Variants in CLUAP1 observed in about 807,000 individuals in gnomAD.
CLUAP1 encodes the protein clusterin-associated protein 1.
A neutral mutation model predicts 55.0 loss-of-function variants in CLUAP1; 50 were observed. The ratio of observed to expected loss-of-function variants is 0.91; its 90% CI spans 0.72 to 1.15. CLUAP1 has a LOEUF of 1.15. Ranked by LOEUF, CLUAP1 falls within the 50% of genes most tolerant of loss-of-function variation. The probability of loss-of-function intolerance (pLI) is 0.00; values close to 1 mark genes in which losing one functional copy is unlikely to be tolerated. For missense variants in CLUAP1, 530 were observed against 507.6 expected (o/e 1.04, Z -0.42); for synonymous variants, 195 against 175.4 (o/e 1.11, Z -0.88).
At chr16:3,524,812 C>T (rs1033580663) in intron 8 of CLUAP1, among the ~76,000 whole-genome samples, 2 of 151,912 alleles carry the variant, frequency 1.3e-5, no homozygotes, top group East Asian at 1.9e-4. Context: ...GTTTTAGACC[C>T]GAGCATGAGT....
rs148762465 is a variant in CLUAP1, at chr16:3,530,573, G to A, written c.934G>A (p.Asp312Asn). ...CCTGCTTGTGTTCCTGCTAGGTAACGATGACTCGGACATAGACATCCAGGA... is the reference window on the plus strand; with the variant it reads ...CCTGCTTGTGTTCCTGCTAGGTAACAATGACTCGGACATAGACATCCAGGA... ...EKRLLKSGSNDDSDIDIQEDD... is the reference protein window; with the variant it reads ...EKRLLKSGSNNDSDIDIQEDD... The change falls in exon 10 of 12, where the codon GAT (aspartate) becomes AAT (asparagine). Residue 312 changes from aspartate (D) to asparagine (N), a missense_variant. Asp to Asn is a conservative substitution (Grantham distance 23, BLOSUM62 1). Transcript: ENST00000576634. 10 of 1,613,332 alleles carry A rather than the reference G, an allele frequency of 6.2e-6. No individual in the cohort carries two copies. The highest frequency in any genetic ancestry group is 1.3e-5 in the African/African-American group (1 of 74,904).
At position 3,537,859 on chromosome 16, in the gene CLUAP1, C is replaced by G. The variant is rs2038263215; in HGVS notation, c.*1588C>G. 1 of 150,126 alleles carries G rather than the reference C, an allele frequency of 6.7e-6. No individual in the cohort carries two copies. The highest frequency in any genetic ancestry group is 6.7e-5 in the Admixed American group (1 of 15,008). 9.3% of individuals were successfully genotyped at this position (150,126 alleles called of 1,614,324 possible). Reference sequence around the variant, plus strand: ...ACTAAAAATACAAAAATTAGCCGGGCGTGGTAGCGCATGCCTGTAACCCCA... The same window carrying G: ...ACTAAAAATACAAAAATTAGCCGGGGGTGGTAGCGCATGCCTGTAACCCCA... On this transcript the variant is annotated 3_prime_UTR_variant, in exon 12 of 12. Coordinates refer to ENST00000576634, the MANE Select transcript of CLUAP1 (RefSeq NM_015041.3).
chr16:3,519,846 G>A, intron 6 of CLUAP1, 57 bp from the exon 7 acceptor site: 1 of 1,529,560 alleles, frequency 6.5e-7, no homozygotes, highest in Non-Finnish European at 8.8e-7. Flanking sequence ...ATTCTTCTAA[G>A]AATTAGGATG....
intron 4 of CLUAP1, among the ~76,000 whole-genome samples, chr16:3,509,207 G>A (rs2037570105): frequency 6.6e-6 from 1 of 152,206 alleles, no homozygotes; most frequent in Admixed American, 6.5e-5. Context: ...CATGTTCATG[G>A]CACTGCGCTC....
rs2037829351 is a variant in CLUAP1 at position 3,521,404 on chromosome 16, A to G, written c.713+1368A>G. ...ATAAGAAAAAAGAAAAAGTTCAGCA[A>G]ACCAGTATAGATTTTTATGGTTTTT... On this transcript the variant is annotated intron_variant, in intron 7 of 11. Coordinates refer to ENST00000576634, the MANE Select transcript of CLUAP1 (RefSeq NM_015041.3). Among the ~76,000 whole-genome samples the G allele has an allele frequency of 4.0e-5, 6 of 151,866 alleles. No homozygotes were observed. The South Asian group carries it at 1.2e-3, about 31-fold the overall frequency.
At position 3,512,370 on chromosome 16, in the gene CLUAP1, A is replaced by G. The variant is rs372260885; in HGVS notation, c.400-13A>G. The G allele has an allele frequency of 2.5e-6, 4 of 1,607,680 alleles. No individual in the cohort carries two copies. In the African/African-American group the frequency reaches 5.4e-5, roughly 22 times the overall value. On this transcript the variant is annotated splice_polypyrimidine_tract_variant and intron_variant, in intron 4 of 11. Transcript: ENST00000576634. Reference sequence around the variant, plus strand: ...TGTTGCTGAGGTTTCTGTTTTTGTTATTTTCCTTCCAGATTGCAGATTTGA... The same window carrying G: ...TGTTGCTGAGGTTTCTGTTTTTGTTGTTTTCCTTCCAGATTGCAGATTTGA...
rs1031894354 is a variant in CLUAP1 at position 3,522,443 on chromosome 16, C to T, written c.714-715C>T. On this transcript the variant is annotated intron_variant, in intron 7 of 11. Transcript: ENST00000576634. ...TCTCCCAAAGTGCTGGGATTACAGGCGTGCGCCACCGCACCCGGCCAACAG... is the reference window on the plus strand; with the variant it reads ...TCTCCCAAAGTGCTGGGATTACAGGTGTGCGCCACCGCACCCGGCCAACAG... 3.9e-5 allele frequency among the ~76,000 whole-genome samples: 6 copies of T among 152,122 alleles called. 1 individual carries two copies. Among genetic ancestry groups the T allele is most frequent in the Admixed American group, 1.3e-4 (2 of 15,274 alleles).
At chr16:3,501,196 GC>G in intron 1 of CLUAP1, 107 bp downstream of exon 1, 1 of 1,218,358 alleles carries the variant, frequency 8.2e-7, no homozygotes, top group South Asian at 1.3e-5. Flanking sequence ...GCTGCCGGAG[GC>G]TCCTTTCGGG....
chr16:3,522,074 A>C (rs1018717801), intron 7 of CLUAP1, among the ~76,000 whole-genome samples: 5 of 152,054 alleles, frequency 3.3e-5, no homozygotes, highest in African/African-American at 7.2e-5. Context: ...ACAAAAAAAA[A>C]CCACCAGCCT....
chr16:3,530,109 A>C (rs2038085228), intron 9 of CLUAP1, among the ~76,000 whole-genome samples: 1 of 151,126 alleles, frequency 6.6e-6, no homozygotes, highest in African/African-American at 2.4e-5. Context: ...AGAGAGGGCG[A>C]GAGAGAGCAA....
At chr16:3,521,197 G>A (rs928536315) in intron 7 of CLUAP1, among the ~76,000 whole-genome samples, 11 of 151,000 alleles carry the variant, frequency 7.3e-5, no homozygotes, top group Middle Eastern at 6.4e-3. Flanking sequence ...AGTCATTGCC[G>A]CCATATAGAT....
chr16:3,506,651 C>T (rs1467178957), intron 3 of CLUAP1, among the ~76,000 whole-genome samples: 5 of 151,998 alleles, frequency 3.3e-5, no homozygotes, highest in African/African-American at 9.7e-5. Context: ...TAGAGGCACA[C>T]GCCACCACAC....
chr16:3,518,403 C>T (rs1361413006), intron 6 of CLUAP1, among the ~76,000 whole-genome samples: 1 of 152,156 alleles, frequency 6.6e-6, no homozygotes, highest in Non-Finnish European at 1.5e-5. Context: ...GATGTTTGAT[C>T]ATTCTAAAAA....
chr16:3,505,906 G>A lies in CLUAP1; in HGVS notation c.135-425G>A, dbSNP rs966843665. 5.3e-5 allele frequency among the ~76,000 whole-genome samples: 8 copies of A among 152,268 alleles called. No individual in the cohort carries two copies. The East Asian group carries it at 1.2e-3, about 22-fold the overall frequency. On this transcript the variant is annotated intron_variant, in intron 2 of 11. Coordinates refer to ENST00000576634, the MANE Select transcript of CLUAP1 (RefSeq NM_015041.3). ...AAAATGTAAAAACAGTTCTTAGCTT[G>A]CAGGCTGTACAGGTCGGAGGCTGCA...
At chr16:3,496,854 A>G, upstream of CLUAP1, 1 of 254,884 alleles carries the variant, frequency 3.9e-6, no homozygotes, top group Admixed American at 4.6e-5. Context: ...AGACGACCTG[A>G]TTTTTCTTTT....
At chr16:3,530,429 A>T in intron 9 of CLUAP1, 139 bp from the exon 10 acceptor site, 5 of 664,910 alleles carry the variant, frequency 7.5e-6, no homozygotes. Context: ...ATTGCATGGG[A>T]TAAGGATTTA....
chr16:3,501,168 G>A lies in CLUAP1; in HGVS notation c.22+79G>A, dbSNP rs1567419252. ...CCCGCCCGCCGGGTCCCCTGTGTAG[G>A]CGATCCCTGAGGCTTGCGCTGCCGG... On this transcript the variant is annotated intron_variant, in intron 1 of 11. Transcript: ENST00000576634. The A allele has an allele frequency of 4.9e-6, 7 of 1,432,890 alleles. No individual in the cohort carries two copies. In the Admixed American group the frequency reaches 1.4e-4, roughly 28 times the overall value. 88.8% of individuals were successfully genotyped at this position (1,432,890 alleles called of 1,614,324 possible).
At chr16:3,500,745 G>A (rs2037375521), upstream of CLUAP1, among the ~76,000 whole-genome samples, 1 of 152,210 alleles carries the variant, frequency 6.6e-6, no homozygotes, top group African/African-American at 2.4e-5. Context: ...TATCAAGCAC[G>A]TAGTAGGTAC....
intron 3 of CLUAP1, among the ~76,000 whole-genome samples, chr16:3,506,685 TAG>T (rs1385373926): frequency 1.3e-5 from 2 of 151,974 alleles, no homozygotes; most frequent in African/African-American, 4.8e-5. Context: ...GCATTTTTAG[TAG>T]AGACTGGGTT....
Sources: allele counts gnomAD v4.1 joint callset (sites outside exome capture counted in the v4.1 genomes callset), GRCh38; gene constraint gnomAD v4.1.1; transcripts MANE v1.5; gene names NCBI Gene and HGNC (gene_info 2026-07-23, HGNC 2026-07-21).